MYO1E: variants seen among roughly 807,000 people sequenced by gnomAD.
MYO1E encodes unconventional myosin-Ie.
MYO1E carries 68 observed loss-of-function variants against 151.1 expected under a neutral mutation model. That is an observed-to-expected ratio of 0.45 (90% CI 0.37 to 0.55). MYO1E has a LOEUF of 0.55. Ranked by LOEUF, MYO1E falls within the 20% of genes least tolerant of loss-of-function variation. The pLI, the probability that MYO1E is intolerant of heterozygous loss-of-function variation, is 0.00. For missense variants in MYO1E, 1,363 were observed against 1,389.3 expected (o/e 0.98, Z 0.30); for synonymous variants, 601 against 501.7 (o/e 1.20, Z -2.64).
intron 1 of MYO1E, among the ~76,000 whole-genome samples, chr15:59,353,442 T>C (rs1179634848): frequency 6.7e-6 from 1 of 150,216 alleles, no homozygotes; most frequent in Non-Finnish European, 1.5e-5. Flanking sequence ...AGAATAGTCT[T>C]ATACTGGATT....
chr15:59,302,464 C>T (rs2414631), intron 1 of MYO1E, among the ~76,000 whole-genome samples: 15,645 of 152,166 alleles, frequency 0.1, 1,142 homozygotes, highest in East Asian at 0.38. Flanking sequence ...CACTTAAGGC[C>T]GCTTAGTCTC....
intron 18 of MYO1E, among the ~76,000 whole-genome samples, chr15:59,180,953 T>G (rs1393784174): frequency 6.6e-6 from 1 of 152,234 alleles, no homozygotes; most frequent in Non-Finnish European, 1.5e-5. Context: ...CTCCTCTTTC[T>G]GCCTGGAAAT....
At chr15:59,234,737 T>C (rs1174531270) in intron 5 of MYO1E, among the ~76,000 whole-genome samples, 2 of 144,558 alleles carry the variant, frequency 1.4e-5, no homozygotes, top group South Asian at 2.2e-4. Flanking sequence ...TGGAAGGGAA[T>C]GCATAAGCCC....
intron 1 of MYO1E, among the ~76,000 whole-genome samples, chr15:59,324,870 CTACAAG>C (rs1471540686): frequency 9.3e-5 from 14 of 150,672 alleles, no homozygotes; most frequent in Non-Finnish European, 8.8e-5. Context: ...ATAGTCTCAA[CTACAAG>C]TACATTTCCC....
At position 59,173,899 on chromosome 15, in the gene MYO1E, C is replaced by T; in HGVS notation, c.2181G>A (p.Leu727=). ...TGTTTCTCCTTCTCTCCTTCTTGTT[C>T]AATAAGAGGTCTGAGGCTACAATTC... ...QMREEASDLL[L]NKKERRRNSI... The change falls in exon 21 of 28, where the codon TTG becomes TTA. Residue 727 remains leucine (L), a synonymous_variant. Coordinates refer to ENST00000288235, the MANE Select transcript of MYO1E (RefSeq NM_004998.4). 6.2e-7 allele frequency: 1 copy of T among 1,613,970 alleles called. No homozygotes were observed. The highest frequency in any genetic ancestry group is 8.5e-7 in the Non-Finnish European group (1 of 1,179,996).
intron 26 of MYO1E, 53 bp downstream of exon 26, chr15:59,153,537 G>C (rs1461655654): frequency 1.9e-6 from 3 of 1,574,954 alleles, no homozygotes; most frequent in African/African-American, 2.7e-5. Context: ...CCCTTGTTTT[G>C]AATGATGGAG....
intron 18 of MYO1E, among the ~76,000 whole-genome samples, chr15:59,183,010 G>T (rs1197261134): frequency 6.6e-5 from 10 of 152,168 alleles, no homozygotes; most frequent in Non-Finnish European, 1.2e-4. Context: ...GCTCCTATGA[G>T]AATCTAATGC....
intron 14 of MYO1E, 36 bp from the exon 15 acceptor site, chr15:59,205,521 A>G (rs2079828037): frequency 1.3e-6 from 2 of 1,544,938 alleles, no homozygotes; most frequent in Non-Finnish European, 1.8e-6. Flanking sequence ...ATTTCATTGA[A>G]CAAAATGTAA....
At chr15:59,364,233 G>A (rs2080900745) in intron 1 of MYO1E, among the ~76,000 whole-genome samples, 1 of 152,238 alleles carries the variant, frequency 6.6e-6, no homozygotes, top group Admixed American at 6.5e-5. Flanking sequence ...ACCCACTGGT[G>A]TCACATATTT....
intron 1 of MYO1E, among the ~76,000 whole-genome samples, chr15:59,310,506 C>T (rs1028700027): frequency 2.7e-4 from 41 of 152,044 alleles, no homozygotes; most frequent in African/African-American, 9.2e-4. Flanking sequence ...GAGATTGGGG[C>T]GACACAGCCA....
intron 2 of MYO1E, among the ~76,000 whole-genome samples, chr15:59,265,521 T>C (rs1035922793): frequency 6.6e-6 from 1 of 151,954 alleles, no homozygotes; most frequent in Admixed American, 6.6e-5. Flanking sequence ...AAAACAAAAA[T>C]TTATTTTGGA....
intron 4 of MYO1E, among the ~76,000 whole-genome samples, chr15:59,252,828 G>A (rs1371918842): frequency 5.3e-5 from 8 of 151,738 alleles, no homozygotes; most frequent in African/African-American, 1.9e-4. Flanking sequence ...GGAGGTTGCG[G>A]TGAGCTGAGA....
intron 1 of MYO1E, among the ~76,000 whole-genome samples, chr15:59,277,231 T>A (rs1160927769): frequency 6.6e-6 from 1 of 152,028 alleles, no homozygotes; most frequent in Non-Finnish European, 1.5e-5. Context: ...GACCAATATA[T>A]AAACATAGTT....
At chr15:59,290,201 T>C (rs2140396099) in intron 1 of MYO1E, among the ~76,000 whole-genome samples, 1 of 152,306 alleles carries the variant, frequency 6.6e-6, no homozygotes, top group East Asian at 1.9e-4. Flanking sequence ...CCTGGCAGCT[T>C]CTATTAAGGC....
At position 59,134,703 on chromosome 15, in the gene MYO1E, C is replaced by G. The variant is rs1297289805; in HGVS notation, c.*2677G>C. 1 of 152,216 alleles carries G rather than the reference C, an allele frequency of 6.6e-6. No homozygotes were observed. The highest frequency in any genetic ancestry group is 1.5e-5 in the Non-Finnish European group (1 of 68,042). 9.4% of individuals were successfully genotyped at this position (152,216 alleles called of 1,614,324 possible). A position where few individuals can be genotyped will look rare whatever the true frequency, so the allele number is the denominator to read the frequency against. On this transcript the variant is annotated 3_prime_UTR_variant, in exon 28 of 28. Transcript: ENST00000288235. ...GTGTTTGATACTGCTATACACGTTGCTGTGTGTGCACATGAACACCCCTTA... is the reference window on the plus strand; with the variant it reads ...GTGTTTGATACTGCTATACACGTTGGTGTGTGTGCACATGAACACCCCTTA...
At chr15:59,265,161 G>A (rs2080245938) in intron 2 of MYO1E, among the ~76,000 whole-genome samples, 3 of 152,166 alleles carry the variant, frequency 2.0e-5, no homozygotes, top group Non-Finnish European at 2.9e-5. Context: ...TCTATCCCCA[G>A]GGAAAAACAA....
At chr15:59,243,117 A>C (rs546382067) in intron 4 of MYO1E, among the ~76,000 whole-genome samples, 15 of 29,356 alleles carry the variant, frequency 5.1e-4, no homozygotes, top group Non-Finnish European at 1.1e-3. Context: ...TTTTTTTTTC[A>C]AATATAGAGA....
At chr15:59,295,782 A>C (rs1426122347) in intron 1 of MYO1E, among the ~76,000 whole-genome samples, 1 of 152,174 alleles carries the variant, frequency 6.6e-6, no homozygotes, top group African/African-American at 2.4e-5. Context: ...ACCCCAAAGG[A>C]GTGGAAGAGA....
chr15:59,344,277 G>A (rs1298394784), intron 1 of MYO1E, among the ~76,000 whole-genome samples: 4 of 152,362 alleles, frequency 2.6e-5, no homozygotes, highest in East Asian at 3.9e-4. Context: ...GACTCGTAGA[G>A]GTACTGCCTT....
Sources: allele counts gnomAD v4.1 joint callset (sites outside exome capture counted in the v4.1 genomes callset), GRCh38; gene constraint gnomAD v4.1.1; transcripts MANE v1.5; gene names NCBI Gene and HGNC (gene_info 2026-07-23, HGNC 2026-07-21).